The following FOCAD variants were observed in gnomAD, a reference collection of about 807,000 sequenced individuals.
FOCAD encodes KIAA1797.
In FOCAD, 198 loss-of-function variants were observed where a neutral mutation model predicts 225.6. The observed-to-expected ratio is 0.88, with a 90% CI of 0.78 to 0.99. The LOEUF is 0.99. Ranked by LOEUF, FOCAD falls within the 50% of genes least tolerant of loss-of-function variation. FOCAD has a pLI of 0.00. For missense variants in FOCAD, 2,713 were observed against 2,123.6 expected (o/e 1.28, Z -5.46); for synonymous variants, 897 against 755.0 (o/e 1.19, Z -3.08).
At chr9:20,774,585 T>C (rs930797127) in intron 8 of FOCAD, among the ~76,000 whole-genome samples, 3 of 152,228 alleles carry the variant, frequency 2.0e-5, no homozygotes, top group East Asian at 1.9e-4. Flanking sequence ...CTTTAAAAAA[T>C]ATTATGAATT....
chr9:20,787,352 C>A (rs1820026996), intron 10 of FOCAD, among the ~76,000 whole-genome samples: 1 of 152,118 alleles, frequency 6.6e-6, no homozygotes, highest in Admixed American at 6.6e-5. Flanking sequence ...GATATTATAA[C>A]CTAAGCAGGA....
At chr9:20,810,001 G>A (rs1822879388) in intron 11 of FOCAD, among the ~76,000 whole-genome samples, 2 of 152,108 alleles carry the variant, frequency 1.3e-5, no homozygotes, top group South Asian at 2.1e-4. Context: ...TGACTAACAC[G>A]TTTAGTTATT....
At chr9:20,957,565 C>G (rs770777271) in intron 35 of FOCAD, 1 of 142,520 alleles carries the variant, frequency 7.0e-6, no homozygotes, top group Non-Finnish European at 1.5e-5. Context: ...ACCTCTGCCT[C>G]CCAGGCTCAA....
In FOCAD at chr9:20,926,282, G is replaced by C; in HGVS notation, c.2962-19G>C. Reference sequence around the variant, plus strand: ...TTTGTTTTCTCTGTAATCATTTCATGTTTTTAATTCATCTGCAGGTTCAAC... The same window carrying C: ...TTTGTTTTCTCTGTAATCATTTCATCTTTTTAATTCATCTGCAGGTTCAAC... On this transcript the variant is annotated intron_variant, in intron 25 of 43. Transcript: ENST00000338382. 5 of 1,366,502 alleles carry C rather than the reference G, an allele frequency of 3.7e-6. No individual in the cohort carries two copies. Among genetic ancestry groups the C allele is most frequent in the Non-Finnish European group, 5.2e-6 (5 of 955,890 alleles). 84.6% of individuals were successfully genotyped at this position (1,366,502 alleles called of 1,614,324 possible). A position where few individuals can be genotyped will look rare whatever the true frequency, so the allele number is the denominator to read the frequency against.
At chr9:20,803,047 C>G (rs1379878738) in intron 11 of FOCAD, among the ~76,000 whole-genome samples, 1 of 151,872 alleles carries the variant, frequency 6.6e-6, no homozygotes, top group Non-Finnish European at 1.5e-5. Flanking sequence ...AATAATTATC[C>G]TGGTGACATT....
At chr9:20,785,526 T>G (rs1370391150) in intron 10 of FOCAD, among the ~76,000 whole-genome samples, 1 of 152,146 alleles carries the variant, frequency 6.6e-6, no homozygotes, top group East Asian at 1.9e-4. Flanking sequence ...TGTGACTGGC[T>G]TTTTTCACTT....
At chr9:20,848,056 AGG>A (rs1827289991) in intron 15 of FOCAD, among the ~76,000 whole-genome samples, 1 of 152,048 alleles carries the variant, frequency 6.6e-6, no homozygotes, top group Admixed American at 6.6e-5. Flanking sequence ...TGCTCTCTGA[AGG>A]TTTGCCGAAA....
At chr9:20,967,971 C>G (rs1334195251) in intron 35 of FOCAD, among the ~76,000 whole-genome samples, 1 of 152,040 alleles carries the variant, frequency 6.6e-6, no homozygotes, top group Non-Finnish European at 1.5e-5. Flanking sequence ...ATGCTGATCT[C>G]TTAGAATAAG....
intron 22 of FOCAD, among the ~76,000 whole-genome samples, chr9:20,908,668 G>A (rs1289887314): frequency 6.6e-6 from 1 of 152,074 alleles, no homozygotes; most frequent in Non-Finnish European, 1.5e-5. Flanking sequence ...TGGGCACCCA[G>A]CATGTTTTGG....
In FOCAD at chr9:20,933,002, A is replaced by T. The variant is rs754252130; in HGVS notation, c.3318-12A>T. Reference sequence around the variant, plus strand: ...TTAAATAATTCATTGTTTCCCCTTGATCTTTAACCAGTGATATATCTGGCC... The same window carrying T: ...TTAAATAATTCATTGTTTCCCCTTGTTCTTTAACCAGTGATATATCTGGCC... On this transcript the variant is annotated splice_polypyrimidine_tract_variant and intron_variant, in intron 27 of 43. Coordinates refer to ENST00000338382, the MANE Select transcript of FOCAD (RefSeq NM_001375567.1). The T allele has an allele frequency of 3.2e-5, 51 of 1,599,592 alleles. No individual in the cohort carries two copies. The highest frequency in any genetic ancestry group is 4.1e-5 in the Non-Finnish European group (48 of 1,167,296).
At position 20,913,940 on chromosome 9, in the gene FOCAD, T is replaced by C. The variant is rs140034892; in HGVS notation, c.2807+986T>C. On this transcript the variant is annotated intron_variant, in intron 23 of 43. Transcript: ENST00000338382. ...AACTCATGGGCTGTGTATATATGAG[T>C]ATAAAGGAGTTAGGTCCCTAGAAGT... 3.3e-3 allele frequency among the ~76,000 whole-genome samples: 499 copies of C among 152,112 alleles called. 2 individuals carry two copies. The highest frequency in any genetic ancestry group is 0.014 in the Middle Eastern group (4 of 294).
intron 11 of FOCAD, among the ~76,000 whole-genome samples, chr9:20,812,745 C>T (rs1823224259): frequency 6.6e-6 from 1 of 152,024 alleles, no homozygotes; most frequent in Non-Finnish European, 1.5e-5. Context: ...CACATTTTGC[C>T]ATCATCTAAC....
At chr9:20,765,195 A>G (rs1829953596) in intron 7 of FOCAD, 122 bp downstream of exon 7, 1 of 761,270 alleles carries the variant, frequency 1.3e-6, no homozygotes, top group East Asian at 2.8e-5. Flanking sequence ...CTCGCTCTAG[A>G]AATGCTTACA....
chr9:20,866,917 T>TTTTTTTTTTTTTAAAAAAAA lies in FOCAD; in HGVS notation c.2107-12_2107-11insTTTTTTTTTTTTAAAAAAAA. The stretch of plus-strand genomic sequence containing the variant: ...TTTTTTTTTTTTTTTTTTTTTTTTT[T>TTTTTTTTTTTTTAAAAAAAA]ACCCTATCTAGGACCCAATTGTAGC... On this transcript the variant is annotated splice_polypyrimidine_tract_variant and intron_variant, in intron 17 of 43. Transcript: ENST00000338382. 3.9e-6 allele frequency: 3 copies of TTTTTTTTTTTTTAAAAAAAA among 764,972 alleles called. No individual in the cohort carries two copies. Among genetic ancestry groups the TTTTTTTTTTTTTAAAAAAAA allele is most frequent in the South Asian group, 1.8e-5 (1 of 54,450 alleles). The allele number at this position is 764,972 out of a possible 1,614,324, so 47.4% of individuals were successfully genotyped here.
chr9:20,787,657 A>T (rs1820060790), intron 10 of FOCAD, among the ~76,000 whole-genome samples: 1 of 152,188 alleles, frequency 6.6e-6, no homozygotes, highest in South Asian at 2.1e-4. Flanking sequence ...ATTGCATATA[A>T]TGAATGCAGC....
chr9:20,782,952 G>C (rs564083933), intron 10 of FOCAD, among the ~76,000 whole-genome samples: 1 of 152,306 alleles, frequency 6.6e-6, no homozygotes, highest in East Asian at 1.9e-4. Flanking sequence ...TAATCGATTT[G>C]AATTGAGAGA....
At chr9:20,881,776 G>A in intron 19 of FOCAD, 95 bp from the exon 20 acceptor site, 2 of 1,248,526 alleles carry the variant, frequency 1.6e-6, no homozygotes, top group South Asian at 1.4e-5. Flanking sequence ...GGCCAGAAAT[G>A]TAGCTTAGTT....
chr9:20,926,783 CAAAAAAAAAAAAAAG>C (rs1834993187), intron 26 of FOCAD, among the ~76,000 whole-genome samples: 1 of 110,904 alleles, frequency 9.0e-6, no homozygotes, highest in Non-Finnish European at 1.8e-5. Context: ...AACTGTGTCT[CAAAAAAAAAAAAAAG>C]AAAAAGAAAA....
chr9:20,881,809 C>G, intron 19 of FOCAD, 62 bp from the exon 20 acceptor site: 2 of 1,526,048 alleles, frequency 1.3e-6, no homozygotes, highest in Non-Finnish European at 1.8e-6. Flanking sequence ...GTTAAGAACG[C>G]ATGTTTCTCT....
Sources: allele counts gnomAD v4.1 joint callset (sites outside exome capture counted in the v4.1 genomes callset), GRCh38; gene constraint gnomAD v4.1.1; transcripts MANE v1.5; gene names NCBI Gene and HGNC (gene_info 2026-07-23, HGNC 2026-07-21).